The following LIPM variants were observed in gnomAD, a reference collection of about 807,000 sequenced individuals.
LIPM encodes the protein lipase member M.
In LIPM, 42 loss-of-function variants were observed where a neutral mutation model predicts 42.4. That is an observed-to-expected ratio of 0.99 (90% CI 0.77 to 1.28). The LOEUF is 1.28. Ranked by LOEUF, LIPM falls within the 50% of genes most tolerant of loss-of-function variation. The pLI, the probability that LIPM is intolerant of heterozygous loss-of-function variation, is 0.00. For missense variants in LIPM, 524 were observed against 520.1 expected, an observed-to-expected ratio of 1.01 and a Z score of -0.07; for synonymous variants, 177 against 173.3, an observed-to-expected ratio of 1.02 and a Z score of -0.17.
At chr10:88,807,507 C>T (rs935612948) in intron 1 of LIPM, among the ~76,000 whole-genome samples, 2 of 152,146 alleles carry the variant, frequency 1.3e-5, no homozygotes, top group African/African-American at 4.8e-5. Context: ...ATATTTGCAG[C>T]TACAAATTTT....
intron 1 of LIPM, among the ~76,000 whole-genome samples, chr10:88,804,968 C>T (rs1228041471): frequency 6.6e-6 from 1 of 152,170 alleles, no homozygotes; most frequent in Non-Finnish European, 1.5e-5. Context: ...AAGAACCTTC[C>T]CAGGGTAAGC....
intron 7 of LIPM, 41 bp from the exon 8 acceptor site, chr10:88,817,784 T>C (rs1843734825): frequency 7.1e-7 from 1 of 1,417,302 alleles, no homozygotes; most frequent in Non-Finnish European, 9.8e-7. Flanking sequence ...GCTTATCCAC[T>C]GAGACGTTGG....
Position 88,820,313 on chromosome 10 carries a change from C to A in LIPM, c.1084C>A (p.Pro362Thr), listed in dbSNP as rs1488165850. Residue 362 changes from proline (P) to threonine (T), a missense_variant, in exon 9 of 9, where the codon CCA (proline) becomes ACA (threonine). Pro to Thr is a conservative substitution (Grantham distance 38, BLOSUM62 -1). Coordinates refer to ENST00000404743, the MANE Select transcript of LIPM (RefSeq NM_001128215.1). Reference protein sequence around the residue: ...WTGGQDWLSNPEDVKMLLSEV... With the variant: ...WTGGQDWLSNTEDVKMLLSEV... ...AGGAGGTCAGGACTGGCTTTCAAAT[C>A]CAGAAGACGTGAAAATGCTGCTCTC... is the stretch of plus-strand genomic sequence containing the variant. The A allele has an allele frequency of 1.3e-6, 2 of 1,552,152 alleles. No homozygotes were observed. The highest frequency in any genetic ancestry group is 1.7e-6 in the Non-Finnish European group (2 of 1,147,078).
chr10:88,806,841 C>G (rs6586152), intron 1 of LIPM, among the ~76,000 whole-genome samples: 1 of 152,030 alleles, frequency 6.6e-6, no homozygotes, highest in South Asian at 2.1e-4. Context: ...TGCACCACCA[C>G]GCCCGGCTAA....
At chr10:88,812,300 CA>C (rs1843665127) in intron 2 of LIPM, among the ~76,000 whole-genome samples, 2 of 152,078 alleles carry the variant, frequency 1.3e-5, no homozygotes, top group African/African-American at 4.8e-5. Context: ...TGGTATCTGC[CA>C]GGTTTTTCTA....
chr10:88,807,189 G>A (rs935512321), intron 1 of LIPM, among the ~76,000 whole-genome samples: 4 of 152,178 alleles, frequency 2.6e-5, no homozygotes, highest in African/African-American at 9.7e-5. Flanking sequence ...ACAGTCCCAT[G>A]GAGTATGAAC....
chr10:88,816,784 A>G (rs1589317437), intron 6 of LIPM, 32 bp from the exon 7 acceptor site: 2 of 1,470,984 alleles, frequency 1.4e-6, no homozygotes, highest in Middle Eastern at 1.7e-4. Flanking sequence ...GAGTTTTTCT[A>G]TGTCCCCCAG....
At chr10:88,813,362 C>G (rs553767494) in intron 3 of LIPM, 67 bp downstream of exon 3, 2 of 1,280,064 alleles carry the variant, frequency 1.6e-6, no homozygotes. Context: ...TAAAAAATTA[C>G]GGCTTCTAGT....
At chr10:88,812,712 A>G (rs985228794) in intron 2 of LIPM, among the ~76,000 whole-genome samples, 2 of 152,186 alleles carry the variant, frequency 1.3e-5, no homozygotes, top group Non-Finnish European at 2.9e-5. Context: ...ACCATTATAT[A>G]TATGTGGTAT....
intron 6 of LIPM, 81 bp downstream of exon 6, chr10:88,815,584 T>A (rs1843709822): frequency 8.1e-7 from 1 of 1,231,174 alleles, no homozygotes; most frequent in Non-Finnish European, 1.1e-6. Flanking sequence ...GGAGAGCTAA[T>A]GCCAGTGAAG....
Position 88,803,019 on chromosome 10 carries a change from G to A in LIPM, c.123G>A (p.Val41=). The stretch of plus-strand genomic sequence containing the variant: ...CAGTACATATGCCAACTAAAGCTGT[G>A]GACCCAGAAGCATTCATGAATATTG... The part of the protein sequence containing the change: ...VNSVHMPTKA[V]DPEAFMNISE... The change falls in exon 1 of 9, where the codon GTG becomes GTA. Residue 41 remains valine (V), a synonymous_variant. Coordinates refer to ENST00000404743, the MANE Select transcript of LIPM (RefSeq NM_001128215.1). The A allele has an allele frequency of 6.4e-7, 1 of 1,550,768 alleles. No individual in the cohort carries two copies.
intron 2 of LIPM, among the ~76,000 whole-genome samples, chr10:88,812,588 A>T (rs1564597081): frequency 6.6e-6 from 1 of 152,152 alleles, no homozygotes; most frequent in Non-Finnish European, 1.5e-5. Flanking sequence ...ATTCAATGGG[A>T]TATAATTATT....
At position 88,815,509 on chromosome 10, in the gene LIPM, T is replaced by C. The variant is rs1248626125; in HGVS notation, c.858+6T>C. Reference sequence around the variant, plus strand: ...ACACCAACAATATGAACATGGTAAGTGGGAGCCTAGTAAATTCCCAGCATC... The same window carrying C: ...ACACCAACAATATGAACATGGTAAGCGGGAGCCTAGTAAATTCCCAGCATC... On this transcript the variant is annotated splice_donor_region_variant and intron_variant, in intron 6 of 8. Coordinates refer to ENST00000404743, the MANE Select transcript of LIPM (RefSeq NM_001128215.1). The C allele has an allele frequency of 6.5e-7, 1 of 1,550,222 alleles. No individual in the cohort carries two copies. Among genetic ancestry groups the C allele is most frequent in the East Asian group, 2.4e-5 (1 of 40,906 alleles).
intron 2 of LIPM, among the ~76,000 whole-genome samples, chr10:88,812,855 G>A (rs887956876): frequency 7.9e-5 from 12 of 152,050 alleles, no homozygotes; most frequent in Non-Finnish European, 1.2e-4. Flanking sequence ...TTTTTCTGCC[G>A]GGCAACATGC....
At chr10:88,819,888 CA>C (rs1222719895) in intron 8 of LIPM, among the ~76,000 whole-genome samples, 3 of 152,066 alleles carry the variant, frequency 2.0e-5, no homozygotes, top group Admixed American at 2.0e-4. Context: ...TTTAAAAGAA[CA>C]GGGGCATTAT....
At chr10:88,815,821 C>T (rs1185497331) in intron 6 of LIPM, among the ~76,000 whole-genome samples, 1 of 152,182 alleles carries the variant, frequency 6.6e-6, no homozygotes, top group African/African-American at 2.4e-5. Flanking sequence ...ATGCATCATC[C>T]ACCTCTACCC....
At chr10:88,804,023 CT>C (rs1843558838) in intron 1 of LIPM, among the ~76,000 whole-genome samples, 1 of 152,168 alleles carries the variant, frequency 6.6e-6, no homozygotes, top group African/African-American at 2.4e-5. Flanking sequence ...GAAAATGGAA[CT>C]TTAACATGTA....
chr10:88,818,451 A>G (rs571294843), intron 8 of LIPM, among the ~76,000 whole-genome samples: 1 of 152,354 alleles, frequency 6.6e-6, no homozygotes, highest in Admixed American at 6.5e-5. Context: ...ATGAATCTGT[A>G]ATTTGCAAGT....
chr10:88,809,079 C>T (rs1001583893), intron 2 of LIPM, among the ~76,000 whole-genome samples: 6 of 151,870 alleles, frequency 4.0e-5, no homozygotes, highest in Non-Finnish European at 5.9e-5. Context: ...TTCAGCCTCC[C>T]AAGTAGCTGG....
Sources: gnomAD v4.1 joint callset for allele counts (sites outside exome capture counted in the v4.1 genomes callset) on GRCh38, gnomAD v4.1.1 for gene constraint, MANE v1.5 for transcripts, NCBI Gene and HGNC (gene_info 2026-07-23, HGNC 2026-07-21) for gene names.